The following NAV3 variants were observed in gnomAD, a reference collection of about 807,000 sequenced individuals.
NAV3 encodes the protein pore membrane and/or filament interacting like protein 1.
Under a neutral mutation model 244.7 loss-of-function variants are expected in NAV3, and 87 were observed. The observed-to-expected ratio is 0.36, with a 90% CI of 0.30 to 0.42. The LOEUF (loss-of-function observed/expected upper bound fraction) is 0.42. Ranked by LOEUF, NAV3 falls within the 20% of genes least tolerant of loss-of-function variation. The pLI, the probability that NAV3 is intolerant of heterozygous loss-of-function variation, is 1.00. For missense variants in NAV3, 2,663 were observed against 2,893.3 expected, an observed-to-expected ratio of 0.92 and a Z score of 1.83; for synonymous variants, 1,126 against 1,042.2, an observed-to-expected ratio of 1.08 and a Z score of -1.55.
intron 38 of NAV3, among the ~76,000 whole-genome samples, chr12:78,204,669 T>C (rs1373239197): frequency 6.6e-6 from 1 of 152,106 alleles, no homozygotes; most frequent in African/African-American, 2.4e-5. Flanking sequence ...CTATGTTTAT[T>C]TATAATAAAC....
intron 2 of NAV3, among the ~76,000 whole-genome samples, chr12:77,650,454 A>C (rs1872775287): frequency 6.6e-6 from 1 of 152,132 alleles, no homozygotes; most frequent in Non-Finnish European, 1.5e-5. Context: ...AGGTAGTTTC[A>C]TTTGATGTTG....
chr12:77,629,328 A>C (rs190594540), intron 2 of NAV3, among the ~76,000 whole-genome samples: 25 of 152,342 alleles, frequency 1.6e-4, no homozygotes, highest in African/African-American at 5.8e-4. Context: ...AATTTTGAGA[A>C]TGCTGAATTA....
intron 1 of NAV3, among the ~76,000 whole-genome samples, chr12:77,851,838 T>G (rs1877576983): frequency 6.6e-6 from 1 of 152,224 alleles, no homozygotes; most frequent in Non-Finnish European, 1.5e-5. Flanking sequence ...CTAACAATAC[T>G]GGCTATCATT....
intron 3 of NAV3, among the ~76,000 whole-genome samples, chr12:77,964,723 G>A (rs1021551827): frequency 6.6e-5 from 10 of 152,032 alleles, no homozygotes; most frequent in Non-Finnish European, 1.3e-4. Context: ...ATGTTATGTT[G>A]TATTCAGCAT....
intron 2 of NAV3, among the ~76,000 whole-genome samples, chr12:77,701,494 CTGT>C (rs1244776691): frequency 4.0e-5 from 6 of 151,752 alleles, no homozygotes; most frequent in African/African-American, 1.2e-4. Context: ...CAACTTTTGA[CTGT>C]TGTTTTCATT....
chr12:77,640,503 T>C (rs953738129), intron 2 of NAV3, among the ~76,000 whole-genome samples: 2 of 152,172 alleles, frequency 1.3e-5, no homozygotes, highest in African/African-American at 2.4e-5. Context: ...GGATTATGCA[T>C]ATAAGTGATA....
At chr12:77,654,384 C>T (rs1040576047) in intron 2 of NAV3, among the ~76,000 whole-genome samples, 9 of 152,294 alleles carry the variant, frequency 5.9e-5, no homozygotes, top group South Asian at 2.1e-4. Context: ...AACTGCAAGG[C>T]GGCAGCGAGG....
intron 2 of NAV3, among the ~76,000 whole-genome samples, chr12:77,744,320 G>A (rs534428556): frequency 6.6e-6 from 1 of 151,994 alleles, no homozygotes; most frequent in South Asian, 2.1e-4. Context: ...TATGAGACAA[G>A]GAAAGATTTT....
chr12:77,851,125 C>T (rs915347046), intron 1 of NAV3, among the ~76,000 whole-genome samples: 5 of 152,156 alleles, frequency 3.3e-5, no homozygotes, highest in Admixed American at 2.6e-4. Context: ...ATTCTGATCC[C>T]CCCAGCTATC....
Position 78,199,525 on chromosome 12 carries a change from A to G in NAV3, c.6709A>G (p.Thr2237Ala). ...FLETHSSSDV[T>A]IGPRLFLPCP... ...GGAAACACACAGTTCTTCTGACGTT[A>G]CCATTGGTGAGTTCCAAAATTATAA... is the stretch of plus-strand genomic sequence containing the variant. Residue 2237 changes from threonine (T) to alanine (A), a missense_variant, in exon 37 of 40, where the codon ACC becomes GCC. Coordinates refer to ENST00000397909, the MANE Select transcript of NAV3 (RefSeq NM_001024383.2). 6.4e-7 allele frequency: 1 copy of G among 1,573,374 alleles called. No individual in the cohort carries two copies. The highest frequency in any genetic ancestry group is 8.6e-7 in the Non-Finnish European group (1 of 1,164,208).
chr12:77,934,173 G>C (rs978241082), intron 1 of NAV3, among the ~76,000 whole-genome samples: 2 of 152,012 alleles, frequency 1.3e-5, no homozygotes, highest in Non-Finnish European at 2.9e-5. Flanking sequence ...TGGCACCAGG[G>C]GTGACACAGC....
intron 10 of NAV3, 96 bp downstream of exon 10, chr12:78,050,197 G>A (rs532157329): frequency 2.4e-6 from 2 of 837,652 alleles, no homozygotes; most frequent in East Asian, 5.3e-5. Flanking sequence ...TGGGATTTCA[G>A]TTTCCCCTTA....
rs1050137879 is a variant in NAV3 at position 78,134,936 on chromosome 12, C to T, written c.4442-2241C>T. 2.0e-5 allele frequency among the ~76,000 whole-genome samples: 3 copies of T among 152,144 alleles called. No individual in the cohort carries two copies. The East Asian group carries it at 5.8e-4, about 29-fold the overall frequency. On this transcript the variant is annotated intron_variant, in intron 18 of 39. Transcript: ENST00000397909. ...GTTGGTAGCCCTCTTTTTCCTAATACATTGCCATATCTGTTTCTCTTCTAT... is the reference window on the plus strand; with the variant it reads ...GTTGGTAGCCCTCTTTTTCCTAATATATTGCCATATCTGTTTCTCTTCTAT...
At position 77,691,333 on chromosome 12, in the gene NAV3, G is replaced by GTATATATATATATATATATATA. The variant is rs1214933751; in HGVS notation, c.72+119068_72+119069insATATATATATATATATATATAT. Among the ~76,000 whole-genome samples the GTATATATATATATATATATATA allele has an allele frequency of 3.1e-4, 31 of 100,922 alleles. 1 individual carries two copies. The highest frequency in any genetic ancestry group is 1.1e-3 in the African/African-American group (29 of 26,094). 66.2% of individuals were successfully genotyped at this position (100,922 alleles called of 152,430 possible). A position where few individuals can be genotyped will look rare whatever the true frequency, so the allele number is the denominator to read the frequency against. ...TAGTCATATATAAGTATTTGTGTAT[G>GTATATATATATATATATATATA]TGTGTATATATATATATATATACAT... On this transcript the variant is annotated intron_variant, in intron 2 of 8. Transcript: ENST00000550042.
At chr12:77,770,726 C>T (rs1371147570) in intron 2 of NAV3, among the ~76,000 whole-genome samples, 2 of 152,166 alleles carry the variant, frequency 1.3e-5, no homozygotes, top group African/African-American at 2.4e-5. Context: ...AAAGCTGAAA[C>T]TGGATCCCTT....
chr12:78,187,779 G>T (rs1958791283), intron 31 of NAV3, among the ~76,000 whole-genome samples: 1 of 151,798 alleles, frequency 6.6e-6, no homozygotes, highest in South Asian at 2.1e-4. Flanking sequence ...TAAAACAACT[G>T]AGTTTTGGAC....
intron 2 of NAV3, among the ~76,000 whole-genome samples, chr12:77,744,272 T>C (rs1025324733): frequency 1.3e-5 from 2 of 151,998 alleles, no homozygotes; most frequent in Non-Finnish European, 2.9e-5. Flanking sequence ...CACACAGATA[T>C]GGTACATTGA....
At position 77,962,449 on chromosome 12, in the gene NAV3, C is replaced by T. The variant is rs117706829; in HGVS notation, c.415-3780C>T. ...CTCATTGGATACAGACTTCATCCTT[C>T]TTGTGATTAAAGCCCAAAACCTTGG... On this transcript the variant is annotated intron_variant, in intron 3 of 39. Transcript: ENST00000397909. Among the ~76,000 whole-genome samples the T allele has an allele frequency of 5.5e-3, 839 of 152,254 alleles. 3 individuals are homozygous for T. The highest frequency in any genetic ancestry group is 6.8e-3 in the Non-Finnish European group (461 of 67,998).
chr12:78,071,853 A>G (rs1429479752), intron 12 of NAV3, among the ~76,000 whole-genome samples: 1 of 152,332 alleles, frequency 6.6e-6, no homozygotes, highest in South Asian at 2.1e-4. Context: ...CCACAGTTCA[A>G]TCAAACTAGA....
Sources: allele counts gnomAD v4.1 joint callset (sites outside exome capture counted in the v4.1 genomes callset), GRCh38; gene constraint gnomAD v4.1.1; transcripts MANE v1.5; gene names NCBI Gene and HGNC (gene_info 2026-07-23, HGNC 2026-07-21).